RIPOR2: variants seen among roughly 807,000 people sequenced by gnomAD.
The protein encoded by RIPOR2 is RHO family interacting cell polarization regulator 2.
RIPOR2 carries 39 observed loss-of-function variants against 114.5 expected under a neutral mutation model. That is an observed-to-expected ratio of 0.34 (90% CI 0.26 to 0.44). The LOEUF is 0.44. Among genes scored for constraint, RIPOR2 ranks in the 20% least tolerant of loss-of-function variants. The probability of loss-of-function intolerance (pLI) is 1.00; values close to 1 mark genes in which losing one functional copy is unlikely to be tolerated. For synonymous variants in RIPOR2, 445 were observed against 484.4 expected, an observed-to-expected ratio of 0.92 and a Z score of 1.07; for missense variants, 1,007 against 1,255.1, an observed-to-expected ratio of 0.80 and a Z score of 2.99.
At chr6:24,917,943 A>G (rs1260034274) in intron 1 of RIPOR2, among the ~76,000 whole-genome samples, 2 of 152,146 alleles carry the variant, frequency 1.3e-5, no homozygotes, top group East Asian at 1.9e-4. Context: ...AGGTCTTCCA[A>G]GGTGATTTAT....
chr6:24,959,889 C>T (rs1005486034), intron 1 of RIPOR2, among the ~76,000 whole-genome samples: 3 of 152,118 alleles, frequency 2.0e-5, no homozygotes, highest in African/African-American at 7.2e-5. Context: ...AATGTTATGC[C>T]ACCTTTTGGC....
intron 1 of RIPOR2, among the ~76,000 whole-genome samples, chr6:25,001,624 CAAAA>C (rs747422738): frequency 3.6e-5 from 2 of 56,330 alleles, no homozygotes; most frequent in African/African-American, 1.3e-4. Context: ...GACTTCATCT[CAAAA>C]AAAAAAAAAA....
chr6:24,885,391 C>T (rs985919825), intron 1 of RIPOR2, among the ~76,000 whole-genome samples: 1 of 151,964 alleles, frequency 6.6e-6, no homozygotes. Flanking sequence ...CCCAGCTAAT[C>T]CTTCTGATTT....
intron 1 of RIPOR2, among the ~76,000 whole-genome samples, chr6:24,925,882 T>C (rs1354488086): frequency 3.9e-5 from 6 of 152,210 alleles, no homozygotes; most frequent in East Asian, 1.9e-4. Flanking sequence ...CCCATGTACA[T>C]GTAGTATTAT....
chr6:25,019,448 T>A (rs1776184564), intron 1 of RIPOR2, among the ~76,000 whole-genome samples: 1 of 152,126 alleles, frequency 6.6e-6, no homozygotes. Flanking sequence ...AATAATTGTA[T>A]AAAGATATTA....
intron 1 of RIPOR2, among the ~76,000 whole-genome samples, chr6:24,969,790 A>T (rs1362721982): frequency 6.6e-6 from 1 of 152,078 alleles, no homozygotes; most frequent in African/African-American, 2.4e-5. Context: ...TGAGCTCACA[A>T]GCCTCAGGTC....
chr6:24,977,729 G>A (rs1474029614), intron 1 of RIPOR2, among the ~76,000 whole-genome samples: 1 of 152,136 alleles, frequency 6.6e-6, no homozygotes, highest in Non-Finnish European at 1.5e-5. Flanking sequence ...GTTGGTTTCT[G>A]TAAACATCTG....
intron 1 of RIPOR2, among the ~76,000 whole-genome samples, chr6:24,951,282 A>T (rs1772741136): frequency 6.6e-6 from 1 of 152,178 alleles, no homozygotes; most frequent in Non-Finnish European, 1.5e-5. Flanking sequence ...TTTTATGCTC[A>T]GGAGAACTTG....
intron 1 of RIPOR2, among the ~76,000 whole-genome samples, chr6:25,029,916 A>G (rs1776838673): frequency 6.6e-6 from 1 of 152,178 alleles, no homozygotes. Context: ...GCAGGATGTT[A>G]TTGTTTTAGA....
chr6:24,931,464 C>T (rs377241475), intron 1 of RIPOR2, among the ~76,000 whole-genome samples: 1 of 152,212 alleles, frequency 6.6e-6, no homozygotes, highest in Non-Finnish European at 1.5e-5. Context: ...TTAAGAGCAA[C>T]AGGCAGCTAA....
intron 1 of RIPOR2, among the ~76,000 whole-genome samples, chr6:25,038,093 T>C (rs1310648825): frequency 6.6e-6 from 1 of 152,242 alleles, no homozygotes; most frequent in Non-Finnish European, 1.5e-5. Context: ...GTGATAGATA[T>C]ATAAGATTCA....
chr6:25,036,090 G>A (rs991803398), intron 1 of RIPOR2, among the ~76,000 whole-genome samples: 1 of 152,182 alleles, frequency 6.6e-6, no homozygotes, highest in Non-Finnish European at 1.5e-5. Flanking sequence ...GATTCAGACT[G>A]CTGCTTGACC....
At chr6:24,998,047 T>C (rs892473764) in intron 1 of RIPOR2, among the ~76,000 whole-genome samples, 1 of 152,122 alleles carries the variant, frequency 6.6e-6, no homozygotes, top group Non-Finnish European at 1.5e-5. Flanking sequence ...TGAAATTGAA[T>C]AGGCGGTGGG....
chr6:24,851,123 G>C (rs1762858237), intron 9 of RIPOR2, among the ~76,000 whole-genome samples: 1 of 152,122 alleles, frequency 6.6e-6, no homozygotes, highest in Admixed American at 6.5e-5. Context: ...TCAAACTCCT[G>C]ACCTCAGGTC....
intron 1 of RIPOR2, among the ~76,000 whole-genome samples, chr6:25,006,248 C>T (rs908212179): frequency 2.0e-5 from 3 of 152,286 alleles, no homozygotes; most frequent in Non-Finnish European, 4.4e-5. Context: ...TTCATTCATT[C>T]GTTTATTCAT....
intron 13 of RIPOR2, chr6:24,840,111 G>T: frequency 1.4e-6 from 1 of 706,296 alleles, no homozygotes; most frequent in Non-Finnish European, 1.7e-6. Flanking sequence ...CACCACACCA[G>T]GCTAATTTTT....
intron 8 of RIPOR2, among the ~76,000 whole-genome samples, chr6:24,856,909 C>A (rs555805818): frequency 1.1e-4 from 17 of 150,926 alleles, no homozygotes; most frequent in African/African-American, 3.9e-4. Context: ...TTTTTCCCCC[C>A]CCTTTAAAAT....
chr6:24,856,964 T>A (rs906368087), intron 8 of RIPOR2, among the ~76,000 whole-genome samples: 9 of 152,034 alleles, frequency 5.9e-5, no homozygotes, highest in Non-Finnish European at 1.3e-4. Flanking sequence ...AGAAAGGTAC[T>A]TGGTAGTGAT....
intron 1 of RIPOR2, among the ~76,000 whole-genome samples, chr6:24,927,987 G>A (rs1413945822): frequency 6.6e-6 from 1 of 152,202 alleles, no homozygotes; most frequent in Non-Finnish European, 1.5e-5. Context: ...GCCTTCTCTA[G>A]AAGCTGTTTG....
Sources: allele counts gnomAD v4.1 joint callset (sites outside exome capture counted in the v4.1 genomes callset), GRCh38; gene constraint gnomAD v4.1.1; transcripts MANE v1.5; gene names NCBI Gene and HGNC (gene_info 2026-07-23, HGNC 2026-07-21).